Variants in CDK6 observed in about 807,000 individuals in gnomAD.
The protein encoded by CDK6 is cyclin dependent kinase 6.
A neutral mutation model predicts 37.1 loss-of-function variants in CDK6; 6 were observed. That is an observed-to-expected ratio of 0.16 (90% CI 0.09 to 0.32). CDK6 has a LOEUF of 0.32. CDK6 is among the 10% of genes least tolerant of loss of function. The pLI is 1.00. For synonymous variants in CDK6, 160 were observed against 161.3 expected, an observed-to-expected ratio of 0.99 and a Z score of 0.06; for missense variants, 224 against 418.9, an observed-to-expected ratio of 0.53 and a Z score of 4.06.
rs565579359 is a variant in CDK6, at chr7:92,834,602, G to A, written c.-367-912C>T. Reference sequence around the variant, plus strand: ...CCTTAAAGAATAACTTCAGGAAGGGGATAGCATAATCGCGCCTCGTCCTTA... The same window carrying A: ...CCTTAAAGAATAACTTCAGGAAGGGAATAGCATAATCGCGCCTCGTCCTTA... On this transcript the variant is annotated intron_variant, in intron 1 of 7. Transcript: ENST00000424848. This position sits in a 1 kb window ranked among gnomAD's most constrained non-coding sequence, Gnocchi z 4.6. Among the ~76,000 whole-genome samples the A allele has an allele frequency of 1.3e-5, 2 of 149,778 alleles. No homozygotes were observed. The highest frequency in any genetic ancestry group is 2.1e-4 in the South Asian group (1 of 4,760).
intron 5 of CDK6, among the ~76,000 whole-genome samples, chr7:92,669,415 A>C (rs1327705237): frequency 1.3e-5 from 2 of 152,192 alleles, no homozygotes; most frequent in African/African-American, 4.8e-5. Context: ...CTTTCTTTTA[A>C]CATCTTAAAA....
Position 92,614,557 on chromosome 7 carries a change from A to G in CDK6, c.*583T>C. 4.3e-6 allele frequency: 1 copy of G among 233,666 alleles called. No homozygotes were observed. The highest frequency in any genetic ancestry group is 8.5e-6 in the Non-Finnish European group (1 of 118,134). 14.5% of individuals were successfully genotyped at this position (233,666 alleles called of 1,614,324 possible). A position where few individuals can be genotyped will look rare whatever the true frequency, so the allele number is the denominator to read the frequency against. On this transcript the variant is annotated 3_prime_UTR_variant, in exon 8 of 8. Coordinates refer to ENST00000424848, the MANE Select transcript of CDK6 (RefSeq NM_001145306.2). ...GCTGAGGACATGGGGTTAACTTTCTAATTTGAGAAGACTATTTTGGTGAAT... is the reference window on the plus strand; with the variant it reads ...GCTGAGGACATGGGGTTAACTTTCTGATTTGAGAAGACTATTTTGGTGAAT...
At chr7:92,771,234 A>T (rs1466433708) in intron 3 of CDK6, among the ~76,000 whole-genome samples, 1 of 150,106 alleles carries the variant, frequency 6.7e-6, no homozygotes, top group African/African-American at 2.4e-5. Context: ...CAAAAAAAAA[A>T]AATAAATAAA....
chr7:92,778,720 A>G (rs1799908317), intron 2 of CDK6, among the ~76,000 whole-genome samples: 1 of 152,014 alleles, frequency 6.6e-6, no homozygotes, highest in Non-Finnish European at 1.5e-5. Context: ...AGAGCAGTGA[A>G]CCAAAAATGG....
rs374046720 is a variant in CDK6, at chr7:92,719,282, CCT to C, written c.537+6342_537+6343del. Among the ~76,000 whole-genome samples, 29 of 152,126 alleles carry C rather than the reference CCT, an allele frequency of 1.9e-4. No individual in the cohort carries two copies. In the East Asian group the frequency reaches 3.5e-3, roughly 18 times the overall value. On this transcript the variant is annotated intron_variant, in intron 4 of 7. Transcript: ENST00000424848. The stretch of plus-strand genomic sequence containing the variant: ...ATTAGCTATTCTTCCTGATGCTTTC[CCT>C]GGCAATTTTTGTAATACTTCTGGTA...
chr7:92,640,714 C>T (rs1398545624), intron 5 of CDK6, among the ~76,000 whole-genome samples: 1 of 152,090 alleles, frequency 6.6e-6, no homozygotes, highest in Non-Finnish European at 1.5e-5. Context: ...TTTAATACAC[C>T]CCTGGAGGGA....
rs1236848662 is a variant in CDK6, at chr7:92,610,850, G to T, written c.*4290C>A. The T allele has an allele frequency of 1.3e-5, 3 of 228,268 alleles. No homozygotes were observed. Among genetic ancestry groups the T allele is most frequent in the African/African-American group, 2.2e-5 (1 of 45,102 alleles). The allele number at this position is 228,268 out of a possible 1,614,324, so 14.1% of individuals were successfully genotyped here. A position where few individuals can be genotyped will look rare whatever the true frequency, so the allele number is the denominator to read the frequency against. On this transcript the variant is annotated 3_prime_UTR_variant, in exon 8 of 8. Coordinates refer to ENST00000424848, the MANE Select transcript of CDK6 (RefSeq NM_001145306.2). ...TTTTTCAAAAGTATTGGTGGCATAG[G>T]AAACACATGCCTTTTAAAAATTTAT...
chr7:92,691,486 C>T (rs1338196763), intron 4 of CDK6, among the ~76,000 whole-genome samples: 2 of 152,184 alleles, frequency 1.3e-5, no homozygotes, highest in Admixed American at 1.3e-4. Flanking sequence ...ATTATCAAAT[C>T]ACTGTTAGTT....
chr7:92,668,972 A>C (rs997166260), intron 5 of CDK6, among the ~76,000 whole-genome samples: 2 of 152,228 alleles, frequency 1.3e-5, no homozygotes, highest in South Asian at 2.1e-4. Context: ...TTCTGGAGAA[A>C]GGGTACTTTC....
At position 92,706,078 on chromosome 7, in the gene CDK6, C is replaced by G. The variant is rs977467556; in HGVS notation, c.537+19548G>C. On this transcript the variant is annotated intron_variant, in intron 4 of 7. Coordinates refer to ENST00000424848, the MANE Select transcript of CDK6 (RefSeq NM_001145306.2). ...ACTATGTGAAAGAAGTGTATGTTAT[C>G]TGTGACATTAATTCCTAATCCATAG... Among the ~76,000 whole-genome samples, 6 of 152,238 alleles carry G rather than the reference C, an allele frequency of 3.9e-5. 1 individual carries two copies. The South Asian group carries it at 1.0e-3, about 26-fold the overall frequency.
At chr7:92,643,768 A>T (rs1585362687) in intron 5 of CDK6, among the ~76,000 whole-genome samples, 1 of 152,382 alleles carries the variant, frequency 6.6e-6, no homozygotes, top group East Asian at 1.9e-4. Context: ...TGTTCAAAAC[A>T]TCACAAATAT....
intron 6 of CDK6, 39 bp downstream of exon 6, chr7:92,622,996 AT>A (rs1562913725): frequency 1.6e-6 from 2 of 1,258,186 alleles, no homozygotes; most frequent in Non-Finnish European, 1.1e-6. Context: ...AAATGTTTTA[AT>A]GCTATGGACA....
At chr7:92,786,736 G>GTATA (rs201002161) in intron 2 of CDK6, among the ~76,000 whole-genome samples, 1 of 148,698 alleles carries the variant, frequency 6.7e-6, no homozygotes, top group African/African-American at 2.5e-5. Flanking sequence ...TAATGTATAT[G>GTATA]TATATATATA....
intron 7 of CDK6, 137 bp downstream of exon 7, chr7:92,617,935 G>T: frequency 1.4e-6 from 1 of 720,850 alleles, no homozygotes. Context: ...AGGGACTGTT[G>T]CCTCCTGCTC....
chr7:92,621,825 A>G (rs1795811328), intron 6 of CDK6, among the ~76,000 whole-genome samples: 1 of 152,186 alleles, frequency 6.6e-6, no homozygotes, highest in Admixed American at 6.6e-5. Context: ...ATAAAAAACT[A>G]GCAAATGTTA....
At position 92,622,889 on chromosome 7, in the gene CDK6, C is replaced by T. The variant is rs42046; in HGVS notation, c.698+147G>A. ...AAACGGCACTTCTACCATGTCTCCA[C>T]TCACCACACAAATAGTAACACTGTC... On this transcript the variant is annotated intron_variant, in intron 6 of 7. Coordinates refer to ENST00000424848, the MANE Select transcript of CDK6 (RefSeq NM_001145306.2). 1.0e-5 allele frequency: 6 copies of T among 594,340 alleles called. No individual in the cohort carries two copies. In the African/African-American group the frequency reaches 1.1e-4, roughly 11 times the overall value. The allele number at this position is 594,340 out of a possible 1,614,324, so 36.8% of individuals were successfully genotyped here.
intron 2 of CDK6, among the ~76,000 whole-genome samples, chr7:92,819,594 TA>T: frequency 6.6e-6 from 1 of 151,912 alleles, no homozygotes; most frequent in Non-Finnish European, 1.5e-5. Flanking sequence ...ACCAGGCATT[TA>T]AAAAATTCAG....
chr7:92,643,740 G>A (rs548024352), intron 5 of CDK6, among the ~76,000 whole-genome samples: 1 of 152,172 alleles, frequency 6.6e-6, no homozygotes, highest in Non-Finnish European at 1.5e-5. Context: ...GCTTTATCAC[G>A]AATGGTTTCC....
In CDK6 at chr7:92,663,498, G is replaced by C. The variant is rs1429643666; in HGVS notation, c.647+7928C>G. Among the ~76,000 whole-genome samples, 3 of 151,702 alleles carry C rather than the reference G, an allele frequency of 2.0e-5. No individual in the cohort carries two copies. In the East Asian group the frequency reaches 5.9e-4, roughly 30 times the overall value. ...GGTGAACTCCTGAGCTCAGGATTTC[G>C]AGACCAGCCTAGGCAACAACAGCGA... On this transcript the variant is annotated intron_variant, in intron 5 of 7. Coordinates refer to ENST00000424848, the MANE Select transcript of CDK6 (RefSeq NM_001145306.2).
Sources: allele counts gnomAD v4.1 joint callset (sites outside exome capture counted in the v4.1 genomes callset), GRCh38; gene constraint gnomAD v4.1.1; non-coding constraint Gnocchi (gnomAD v3.1); transcripts MANE v1.5; gene names NCBI Gene and HGNC (gene_info 2026-07-23, HGNC 2026-07-21).